GRM7: variants seen among roughly 807,000 people sequenced by gnomAD.
The protein encoded by GRM7 is metabotropic glutamate receptor 7.
In GRM7, 35 loss-of-function variants were observed where a neutral mutation model predicts 84.5. The ratio of observed to expected loss-of-function variants is 0.41; its 90% confidence interval spans 0.32 to 0.55. GRM7 has a LOEUF of 0.55. Ranked by LOEUF, GRM7 falls within the 20% of genes least tolerant of loss-of-function variation. GRM7 has a pLI of 0.19. For missense variants in GRM7, 1,003 were observed against 1,194.6 expected (o/e 0.84, Z 2.36); for synonymous variants, 487 against 455.1 (o/e 1.07, Z -0.89).
chr3:7,172,324 G>T (rs921534888), intron 2 of GRM7, among the ~76,000 whole-genome samples: 3 of 152,104 alleles, frequency 2.0e-5, no homozygotes, highest in African/African-American at 7.2e-5. Context: ...TTAAATGTTT[G>T]CAACAGTTCT....
chr3:6,939,077 T>C (rs1428571218), intron 1 of GRM7, among the ~76,000 whole-genome samples: 1 of 152,220 alleles, frequency 6.6e-6, no homozygotes, highest in African/African-American at 2.4e-5. Flanking sequence ...CTGCACAAGT[T>C]ATACAGGATA....
intron 8 of GRM7, among the ~76,000 whole-genome samples, chr3:7,634,584 G>T (rs1344188514): frequency 2.0e-5 from 3 of 147,628 alleles, no homozygotes; most frequent in Non-Finnish European, 4.4e-5. Context: ...AAGGAGATCA[G>T]GAGATCTAGA....
At chr3:7,675,775 C>T (rs944034808) in intron 8 of GRM7, among the ~76,000 whole-genome samples, 3 of 152,126 alleles carry the variant, frequency 2.0e-5, no homozygotes, top group African/African-American at 7.2e-5. Context: ...AAGCCGTATC[C>T]TTAGATCTAA....
chr3:7,584,193 A>G (rs924509527), intron 8 of GRM7, among the ~76,000 whole-genome samples: 1 of 152,202 alleles, frequency 6.6e-6, no homozygotes, highest in Non-Finnish European at 1.5e-5. Context: ...CACAACTTTG[A>G]CTCTTGTAAA....
chr3:7,034,343 T>A (rs1323830418), intron 1 of GRM7, among the ~76,000 whole-genome samples: 1 of 151,986 alleles, frequency 6.6e-6, no homozygotes, highest in Non-Finnish European at 1.5e-5. Context: ...ATTCTGATAA[T>A]TAACCAACTT....
intron 1 of GRM7, among the ~76,000 whole-genome samples, chr3:6,992,120 G>A (rs1349967647): frequency 6.6e-6 from 1 of 152,224 alleles, no homozygotes; most frequent in African/African-American, 2.4e-5. Context: ...GCCGTAGGCT[G>A]AGGGTGCTGT....
At chr3:7,477,215 T>A (rs971134404) in intron 7 of GRM7, among the ~76,000 whole-genome samples, 2 of 151,990 alleles carry the variant, frequency 1.3e-5, no homozygotes, top group Non-Finnish European at 2.9e-5. Flanking sequence ...CTGGTGGAAT[T>A]TTTTTTTAAA....
chr3:6,938,340 A>C (rs1350958878), intron 1 of GRM7, among the ~76,000 whole-genome samples: 1 of 152,172 alleles, frequency 6.6e-6, no homozygotes, highest in Non-Finnish European at 1.5e-5. Context: ...GTGGCTTTCC[A>C]GAAGTATTAC....
At chr3:7,426,762 C>T (rs1049097735) in intron 5 of GRM7, among the ~76,000 whole-genome samples, 1 of 152,122 alleles carries the variant, frequency 6.6e-6, no homozygotes, top group Non-Finnish European at 1.5e-5. Context: ...ACATCCCCAG[C>T]CCTAGGCCAG....
rs372592188 is a variant in GRM7, at chr3:7,350,783, C to T, written c.1033+44131C>T. ...GGTTGTTTTGGGTTAGAGTCTTCTCCGATGGTGCTCTGATATTCCAAACAA... is the reference window on the plus strand; with the variant it reads ...GGTTGTTTTGGGTTAGAGTCTTCTCTGATGGTGCTCTGATATTCCAAACAA... On this transcript the variant is annotated intron_variant, in intron 4 of 9. Coordinates refer to ENST00000357716, the MANE Select transcript of GRM7 (RefSeq NM_000844.4). 3.2e-4 allele frequency among the ~76,000 whole-genome samples: 48 copies of T among 152,066 alleles called. 1 individual carries two copies. Among genetic ancestry groups the T allele is most frequent in the Middle Eastern group, 3.4e-3 (1 of 294 alleles).
chr3:7,679,679 A>G (rs1398009498), intron 8 of GRM7, among the ~76,000 whole-genome samples: 2 of 152,204 alleles, frequency 1.3e-5, no homozygotes, highest in African/African-American at 4.8e-5. Context: ...TTTTACATGT[A>G]TGAAAGATAA....
intron 2 of GRM7, among the ~76,000 whole-genome samples, chr3:7,258,740 C>A (rs1238835656): frequency 6.6e-6 from 1 of 152,194 alleles, no homozygotes; most frequent in Non-Finnish European, 1.5e-5. Flanking sequence ...TTTCCACAAT[C>A]CATCATCTCC....
chr3:7,406,835 A>C (rs1056976547), intron 4 of GRM7, among the ~76,000 whole-genome samples: 2 of 152,212 alleles, frequency 1.3e-5, no homozygotes, highest in African/African-American at 4.8e-5. Context: ...TAGATCAAAA[A>C]ATTTGCACAT....
intron 7 of GRM7, among the ~76,000 whole-genome samples, chr3:7,532,745 C>T (rs1006934902): frequency 5.4e-5 from 8 of 146,790 alleles, no homozygotes; most frequent in African/African-American, 2.0e-4. Flanking sequence ...CCTGATTTCT[C>T]CTGTGGGCAT....
At chr3:6,888,148 T>G (rs1695777563) in intron 1 of GRM7, among the ~76,000 whole-genome samples, 1 of 152,054 alleles carries the variant, frequency 6.6e-6, no homozygotes. Context: ...GTCAGATGAG[T>G]AGGTTGCGAA....
chr3:7,385,741 A>C (rs1288517491), intron 4 of GRM7, among the ~76,000 whole-genome samples: 1 of 152,260 alleles, frequency 6.6e-6, no homozygotes, highest in Non-Finnish European at 1.5e-5. Context: ...TTCCATGTGT[A>C]CACAAATGCA....
At chr3:7,427,619 C>G (rs1696663363) in intron 5 of GRM7, among the ~76,000 whole-genome samples, 1 of 152,122 alleles carries the variant, frequency 6.6e-6, no homozygotes, top group Non-Finnish European at 1.5e-5. Context: ...ATTTGTTGAA[C>G]ACTTTGCTAT....
chr3:7,149,332 G>A (rs926888222), intron 2 of GRM7, among the ~76,000 whole-genome samples: 1 of 152,088 alleles, frequency 6.6e-6, no homozygotes, highest in Non-Finnish European at 1.5e-5. Context: ...CTGCTGCAAA[G>A]GTGATTCTGG....
rs911040029 is a variant in GRM7, at chr3:7,321,222, G to C, written c.1033+14570G>C. On this transcript the variant is annotated intron_variant, in intron 4 of 9. Transcript: ENST00000357716. ...AAATGAATTATTTTTGTTCTGACTTGTCACACAAATATACAGTTCATAAGG... is the reference window on the plus strand; with the variant it reads ...AAATGAATTATTTTTGTTCTGACTTCTCACACAAATATACAGTTCATAAGG... Among the ~76,000 whole-genome samples the C allele has an allele frequency of 2.6e-5, 4 of 152,084 alleles. No individual in the cohort carries two copies. The South Asian group carries it at 6.2e-4, about 24-fold the overall frequency.
Sources: gnomAD v4.1 joint callset for allele counts (sites outside exome capture counted in the v4.1 genomes callset) on GRCh38, gnomAD v4.1.1 for gene constraint, MANE v1.5 for transcripts, NCBI Gene and HGNC (gene_info 2026-07-23, HGNC 2026-07-21) for gene names.